Variants in TTC21B observed in about 807,000 individuals in gnomAD.
TTC21B encodes tetratricopeptide repeat protein 21B.
In TTC21B, 127 loss-of-function variants were observed where a neutral mutation model predicts 175.1. The observed-to-expected ratio is 0.73, with a 90% CI of 0.63 to 0.84. TTC21B has a LOEUF of 0.84. Among genes scored for constraint, TTC21B ranks in the 40% least tolerant of loss-of-function variants. TTC21B has a pLI of 0.00. For synonymous variants in TTC21B, 524 were observed against 524.5 expected, an observed-to-expected ratio of 1.00 and a Z score of 0.01; for missense variants, 1,561 against 1,558.3, an observed-to-expected ratio of 1.00 and a Z score of -0.03.
chr2:165,874,013 T>C lies in TTC21B; in HGVS notation c.*742A>G, dbSNP rs577714302. 6.6e-6 allele frequency: 1 copy of C among 152,034 alleles called. No homozygotes were observed. The highest frequency in any genetic ancestry group is 1.5e-5 in the Non-Finnish European group (1 of 68,006). The allele number at this position is 152,034 out of a possible 1,614,324, so 9.4% of individuals were successfully genotyped here. A position where few individuals can be genotyped will look rare whatever the true frequency, so the allele number is the denominator to read the frequency against. On this transcript the variant is annotated 3_prime_UTR_variant, in exon 29 of 29. Coordinates refer to ENST00000243344, the MANE Select transcript of TTC21B (RefSeq NM_024753.5). ...TATATTGTCTTTTTCATGAGTTATT[T>C]ACAGGGAGATTTATTCCAATTTTTG...
At position 165,924,643 on chromosome 2, in the gene TTC21B, G is replaced by C. The variant is rs748678014; in HGVS notation, c.1422C>G (p.Leu474=). ...ASPGQPLCPL[L]RRCISVLETV... Reference sequence around the variant, plus strand: ...TCTCCAGGACTGAGATGCAACGCCTGAGAAGTGGACAAAGAGGTTGCCCAG... The same window carrying C: ...TCTCCAGGACTGAGATGCAACGCCTCAGAAGTGGACAAAGAGGTTGCCCAG... Residue 474 remains leucine (L), a synonymous_variant, in exon 12 of 29, where the codon CTC becomes CTG. Coordinates refer to ENST00000243344, the MANE Select transcript of TTC21B (RefSeq NM_024753.5). The C allele has an allele frequency of 6.2e-7, 1 of 1,613,718 alleles. No homozygotes were observed.
At position 165,943,343 on chromosome 2, in the gene TTC21B, T is replaced by C. The variant is rs746619372; in HGVS notation, c.430-2A>G. Reference sequence around the variant, plus strand: ...AAGCCATGCTTTCAAAACGTGTCCCTGTAAAATGAATAATTCTATTTTTAC... The same window carrying C: ...AAGCCATGCTTTCAAAACGTGTCCCCGTAAAATGAATAATTCTATTTTTAC... On this transcript the variant is annotated splice_acceptor_variant, in intron 4 of 28. Transcript: ENST00000243344. LOFTEE classifies it high-confidence loss of function. The C allele has an allele frequency of 6.2e-7, 1 of 1,600,714 alleles. No homozygotes were observed. Among genetic ancestry groups the C allele is most frequent in the South Asian group, 1.1e-5 (1 of 90,390 alleles).
At chr2:165,927,778 T>C (rs569417070) in intron 11 of TTC21B, among the ~76,000 whole-genome samples, 1 of 152,060 alleles carries the variant, frequency 6.6e-6, no homozygotes, top group South Asian at 2.1e-4. Context: ...AAAAAATAAA[T>C]AGTAATGAAA....
intron 1 of TTC21B, 38 bp from the exon 2 acceptor site, chr2:165,949,762 C>A: frequency 6.3e-7 from 1 of 1,582,570 alleles, no homozygotes. Context: ...TAAAGGAATT[C>A]TGGTGCTCTG....
rs1468443060 is a variant in TTC21B at position 165,912,589 on chromosome 2, T to G, written c.2247A>C (p.Leu749Phe). The G allele has an allele frequency of 1.2e-6, 2 of 1,614,020 alleles. No individual in the cohort carries two copies. Among genetic ancestry groups the G allele is most frequent in the African/African-American group, 1.3e-5 (1 of 74,934 alleles). ...EEAIVAYEQA[L>F]NQNPKDGTLA... ...ATGTTCCATCTTTCGGGTTCTGATT[T>G]AATGCTTGCTCATATGCTACTATGG... The change falls in exon 17 of 29, where the codon TTA (leucine) becomes TTC (phenylalanine). Residue 749 changes from leucine to phenylalanine, a missense_variant. Coordinates refer to ENST00000243344, the MANE Select transcript of TTC21B (RefSeq NM_024753.5).
At chr2:165,923,546 G>A (rs1310502013) in intron 12 of TTC21B, among the ~76,000 whole-genome samples, 2 of 147,894 alleles carry the variant, frequency 1.4e-5, no homozygotes, top group African/African-American at 2.5e-5. Flanking sequence ...CCGGGTTCAC[G>A]CCATTCTCCT....
chr2:165,877,381 TGA>T (rs1684699466), intron 27 of TTC21B, among the ~76,000 whole-genome samples: 1 of 152,196 alleles, frequency 6.6e-6, no homozygotes, highest in Admixed American at 6.5e-5. Context: ...AGGCACTGCA[TGA>T]TGATGTTTCA....
chr2:165,890,479 C>T lies in TTC21B; in HGVS notation c.3263G>A (p.Gly1088Asp). Residue 1088 changes from glycine (G) to aspartate (D), a missense_variant and splice_region_variant, in exon 24 of 29, where the codon GGT becomes GAT. By Grantham distance (94) the Gly-to-Asp change is moderately conservative. Coordinates refer to ENST00000243344, the MANE Select transcript of TTC21B (RefSeq NM_024753.5). The part of the protein sequence containing the change: ...EVFENLDGDL[G>D]NSTEKQESVQ... ...AAGGATAATATGTCAAATAACTCACCCCAGGTCTCCATCCAGGTTTTCAAA... is the reference window on the plus strand; with the variant it reads ...AAGGATAATATGTCAAATAACTCACTCCAGGTCTCCATCCAGGTTTTCAAA... 6.2e-7 allele frequency: 1 copy of T among 1,613,086 alleles called. No homozygotes were observed. The highest frequency in any genetic ancestry group is 8.5e-7 in the Non-Finnish European group (1 of 1,179,478).
intron 22 of TTC21B, among the ~76,000 whole-genome samples, chr2:165,892,095 C>T (rs1344407221): frequency 6.6e-6 from 1 of 152,024 alleles, no homozygotes; most frequent in Non-Finnish European, 1.5e-5. Flanking sequence ...GCATAAGGGC[C>T]TACTTACTGA....
intron 22 of TTC21B, among the ~76,000 whole-genome samples, chr2:165,895,661 A>G (rs1685337733): frequency 6.6e-6 from 1 of 152,178 alleles, no homozygotes. Flanking sequence ...CAGGGAAAAA[A>G]ACGATACAGG....
intron 9 of TTC21B, 48 bp from the exon 10 acceptor site, chr2:165,929,795 G>A: frequency 8.2e-7 from 1 of 1,224,908 alleles, no homozygotes; most frequent in East Asian, 2.3e-5. Flanking sequence ...CCAATTCAGG[G>A]ATGCACTCTT....
chr2:165,874,745 A>G lies in TTC21B; in HGVS notation c.*10T>C. 6.2e-7 allele frequency: 1 copy of G among 1,611,672 alleles called. No individual in the cohort carries two copies. Among genetic ancestry groups the G allele is most frequent in the Non-Finnish European group, 8.5e-7 (1 of 1,177,946 alleles). ...TTCCTGTTAAACCAACACCTAAGTT[A>G]AAATTATTTTCAAGGTCTTAAAGAC... is the stretch of plus-strand genomic sequence containing the variant. On this transcript the variant is annotated 3_prime_UTR_variant, in exon 29 of 29. Transcript: ENST00000243344.
At chr2:165,923,623 T>TA (rs1686504343) in intron 12 of TTC21B, among the ~76,000 whole-genome samples, 1 of 151,948 alleles carries the variant, frequency 6.6e-6, no homozygotes, top group Non-Finnish European at 1.5e-5. Context: ...TTCTTGTTTT[T>TA]AGTAGAGACA....
At chr2:165,942,680 C>T (rs1351598597) in intron 5 of TTC21B, among the ~76,000 whole-genome samples, 2 of 152,168 alleles carry the variant, frequency 1.3e-5, no homozygotes, top group South Asian at 2.1e-4. Context: ...TCCCCAGATG[C>T]CTGCAGGGCT....
chr2:165,880,746 T>C lies in TTC21B; in HGVS notation c.3738A>G (p.Ala1246=). 6.2e-7 allele frequency: 1 copy of C among 1,613,494 alleles called. No individual in the cohort carries two copies. The highest frequency in any genetic ancestry group is 8.5e-7 in the Non-Finnish European group (1 of 1,179,778). ...CATAGTTCAAGGCAGCATCTGTATA[T>C]GCTTGCTCTTTTTCCATAATGTATC... The part of the protein sequence containing the change: ...YMGYIMEKEQ[A]YTDAALNYEM... Residue 1246 remains alanine (A), a synonymous_variant, in exon 27 of 29, where the codon GCA becomes GCG. Coordinates refer to ENST00000243344, the MANE Select transcript of TTC21B (RefSeq NM_024753.5).
chr2:165,900,369 A>G (rs1161778328), intron 20 of TTC21B, among the ~76,000 whole-genome samples: 1 of 152,226 alleles, frequency 6.6e-6, no homozygotes, highest in Admixed American at 6.5e-5. Context: ...TTATCTGAAA[A>G]AATTATATTA....
chr2:165,899,209 GT>G (rs1331845865), intron 21 of TTC21B, among the ~76,000 whole-genome samples: 1 of 152,048 alleles, frequency 6.6e-6, no homozygotes, highest in Non-Finnish European at 1.5e-5. Flanking sequence ...CTTATTATGT[GT>G]TTAAAAATGC....
chr2:165,930,136 C>G, intron 9 of TTC21B, 36 bp downstream of exon 9: 1 of 1,583,810 alleles, frequency 6.3e-7, no homozygotes. Context: ...CTACTTGTAT[C>G]TATATTATAA....
At chr2:165,885,509 G>A (rs1684974427) in intron 25 of TTC21B, among the ~76,000 whole-genome samples, 2 of 152,194 alleles carry the variant, frequency 1.3e-5, no homozygotes, top group African/African-American at 2.4e-5. Flanking sequence ...ATGAAGAAGT[G>A]TGGGATGTTA....
Sources: allele counts gnomAD v4.1 joint callset (sites outside exome capture counted in the v4.1 genomes callset), GRCh38; gene constraint gnomAD v4.1.1; transcripts MANE v1.5; gene names NCBI Gene and HGNC (gene_info 2026-07-23, HGNC 2026-07-21).